Variants in CAPN2 observed in about 807,000 individuals in gnomAD.
The protein encoded by CAPN2 is calpain-2 catalytic subunit.
In CAPN2, 92 loss-of-function variants were observed where a neutral mutation model predicts 102.3. The observed-to-expected ratio is 0.90, with a 90% CI of 0.76 to 1.07. The LOEUF is 1.07. CAPN2 is among the 50% of genes least tolerant of loss of function. CAPN2 has a pLI of 0.00. For missense variants in CAPN2, 800 were observed against 909.4 expected (o/e 0.88, Z 1.55); for synonymous variants, 340 against 355.4 (o/e 0.96, Z 0.49).
intron 2 of CAPN2, among the ~76,000 whole-genome samples, chr1:223,733,202 A>C (rs1571792390): frequency 6.7e-6 from 1 of 150,038 alleles, no homozygotes; most frequent in Non-Finnish European, 1.5e-5. Flanking sequence ...CCTCTCCTGC[A>C]CTCCCCCTCC....
chr1:223,709,847 G>A (rs899281531), upstream of CAPN2, among the ~76,000 whole-genome samples: 5 of 152,178 alleles, frequency 3.3e-5, no homozygotes, highest in African/African-American at 1.2e-4. Flanking sequence ...TGGACAGAAT[G>A]CATTTGCATA....
At chr1:223,728,576 G>A (rs1157607095) in intron 2 of CAPN2, among the ~76,000 whole-genome samples, 3 of 152,194 alleles carry the variant, frequency 2.0e-5, no homozygotes, top group African/African-American at 7.2e-5. Context: ...GAGTGGCAGG[G>A]TTCTGGAAGA....
At chr1:223,729,294 T>G (rs2102783885) in intron 2 of CAPN2, among the ~76,000 whole-genome samples, 1 of 152,382 alleles carries the variant, frequency 6.6e-6, no homozygotes, top group South Asian at 2.1e-4. Flanking sequence ...TTCAGCATTT[T>G]ATTTTAAAAC....
chr1:223,733,028 G>A (rs572261591), intron 2 of CAPN2, among the ~76,000 whole-genome samples: 2 of 152,282 alleles, frequency 1.3e-5, no homozygotes, highest in Admixed American at 6.5e-5. Flanking sequence ...GGTATCCAGC[G>A]TGTTTTACTT....
Position 223,755,594 on chromosome 1 carries a change from G to A in CAPN2, c.1250G>A (p.Arg417Gln), listed in dbSNP as rs148370103. ...GTGGGGCTCATTCAGAAGCACCGACGGCGGCAGAGGAAGATGGGCGAGGAC... is the reference window on the plus strand; with the variant it reads ...GTGGGGCTCATTCAGAAGCACCGACAGCGGCAGAGGAAGATGGGCGAGGAC... ...FLVGLIQKHRRRQRKMGEDMH... is the reference protein window; with the variant it reads ...FLVGLIQKHRQRQRKMGEDMH... Residue 417 changes from arginine (R) to glutamine (Q), a missense_variant, in exon 10 of 21, where the codon CGG becomes CAG. Transcript: ENST00000295006. This position sits in a 1 kb window ranked among gnomAD's most constrained non-coding sequence, Gnocchi z 4.1. 3.2e-5 allele frequency: 51 copies of A among 1,612,978 alleles called. No individual in the cohort carries two copies. In the African/African-American group the frequency reaches 3.3e-4, roughly 11 times the overall value.
chr1:223,733,410 A>G (rs1395615385), intron 2 of CAPN2, among the ~76,000 whole-genome samples: 2 of 152,222 alleles, frequency 1.3e-5, no homozygotes, highest in Non-Finnish European at 2.9e-5. Flanking sequence ...TTCAGGATGC[A>G]GACACCCAGG....
intron 2 of CAPN2, among the ~76,000 whole-genome samples, chr1:223,741,468 A>ATATATATATATATT (rs71166282): frequency 3.6e-5 from 5 of 138,358 alleles, no homozygotes; most frequent in South Asian, 2.2e-4. Context: ...ATATATATAT[A>ATATATATATATATT]TTTGAGAGGG....
At position 223,725,137 on chromosome 1, in the gene CAPN2, G is replaced by A. The variant is rs537833146; in HGVS notation, c.307+7306G>A. Among the ~76,000 whole-genome samples, 74 of 152,242 alleles carry A rather than the reference G, an allele frequency of 4.9e-4. No individual in the cohort carries two copies. The highest frequency in any genetic ancestry group is 1.6e-3 in the African/African-American group (65 of 41,538). On this transcript the variant is annotated intron_variant, in intron 2 of 20. Transcript: ENST00000295006. The surrounding 1 kb of genome is among the most constrained non-coding windows in gnomAD (Gnocchi z 4.1). The stretch of plus-strand genomic sequence containing the variant: ...TCTTCACACCTCAGTTTCCTCATCC[G>A]TGAAATGAAGATAATAATAGTGCCT...
At chr1:223,766,915 G>A (rs28370159) in intron 16 of CAPN2, among the ~76,000 whole-genome samples, 9,806 of 151,572 alleles carry the variant, frequency 0.065, 410 homozygotes, top group Non-Finnish European at 0.09. Flanking sequence ...AGCTGAGATC[G>A]CGCCACTGCA....
Position 223,755,250 on chromosome 1 carries a change from C to T in CAPN2, c.1136-230C>T, listed in dbSNP as rs888319206. Reference sequence around the variant, plus strand: ...AGCCTCCCACCGCCTCTTGCCAACTCCCACCATCTCCCGCCATTTTCTGAC... The same window carrying T: ...AGCCTCCCACCGCCTCTTGCCAACTTCCACCATCTCCCGCCATTTTCTGAC... On this transcript the variant is annotated intron_variant, in intron 9 of 20. Transcript: ENST00000295006. The surrounding 1 kb of genome is among the most constrained non-coding windows in gnomAD (Gnocchi z 4.1). Among the ~76,000 whole-genome samples the T allele has an allele frequency of 1.3e-5, 2 of 151,976 alleles. No homozygotes were observed. Among genetic ancestry groups the T allele is most frequent in the Non-Finnish European group, 2.9e-5 (2 of 68,000 alleles).
At chr1:223,745,696 G>A (rs1660736164) in intron 4 of CAPN2, among the ~76,000 whole-genome samples, 1 of 152,188 alleles carries the variant, frequency 6.6e-6, no homozygotes, top group Non-Finnish European at 1.5e-5. Flanking sequence ...CCAAAATTAG[G>A]CTCTAAATGC....
chr1:223,764,264 G>C (rs1661258858), intron 15 of CAPN2, 57 bp downstream of exon 15: 6 of 1,465,024 alleles, frequency 4.1e-6, no homozygotes, highest in Non-Finnish European at 5.7e-6. Context: ...GGATGGGAGG[G>C]AACATGGAAA....
chr1:223,768,926 C>T (rs1453898716), intron 16 of CAPN2, among the ~76,000 whole-genome samples: 2 of 152,076 alleles, frequency 1.3e-5, no homozygotes, highest in African/African-American at 2.4e-5. Flanking sequence ...TGGATAAGAT[C>T]GTCTTCTTGA....
At position 223,749,029 on chromosome 1, in the gene CAPN2, G is replaced by T. The variant is rs980898370; in HGVS notation, c.730-10G>T. 1 of 1,613,130 alleles carries T rather than the reference G, an allele frequency of 6.2e-7. No individual in the cohort carries two copies. The highest frequency in any genetic ancestry group is 2.2e-5 in the East Asian group (1 of 44,880). On this transcript the variant is annotated splice_polypyrimidine_tract_variant and intron_variant, in intron 5 of 20. Transcript: ENST00000295006. ...GGGTGCGGCCAGTCTGACGGTTGCT[G>T]TGTTTGCAGATCACCAGCGCCGCGG...
intron 2 of CAPN2, among the ~76,000 whole-genome samples, chr1:223,724,148 C>G (rs1429601140): frequency 6.6e-6 from 1 of 152,218 alleles, no homozygotes; most frequent in South Asian, 2.1e-4. Context: ...TCCTCGACAG[C>G]CCCCTGCACC....
rs201970381 is a variant in CAPN2 at position 223,744,480 on chromosome 1, GT to G, written c.426+265del. Among the ~76,000 whole-genome samples the G allele has an allele frequency of 5.4e-4, 81 of 150,480 alleles. 3 individuals carry two copies. The highest frequency in any genetic ancestry group is 1.7e-3 in the African/African-American group (70 of 40,714). ...AAGGTGTTCAGGAACTAATTCCCAA[GT>G]TTAAAAAAAAAAACTGTATTATTTG... On this transcript the variant is annotated intron_variant, in intron 3 of 20. Transcript: ENST00000295006.
chr1:223,716,774 G>T (rs975134607), intron 1 of CAPN2, among the ~76,000 whole-genome samples: 1 of 151,910 alleles, frequency 6.6e-6, no homozygotes, highest in Non-Finnish European at 1.5e-5. Flanking sequence ...CTTCAGAATC[G>T]AAACACACTC....
chr1:223,716,572 C>T (rs1448401234), intron 1 of CAPN2, among the ~76,000 whole-genome samples: 2 of 151,960 alleles, frequency 1.3e-5, no homozygotes, highest in Non-Finnish European at 2.9e-5. Flanking sequence ...CTAGAATGAA[C>T]AGGGGCTAGA....
rs374766391 is a variant in CAPN2 at position 223,721,439 on chromosome 1, C to T, written c.307+3608C>T. Among the ~76,000 whole-genome samples, 12 of 152,332 alleles carry T rather than the reference C, an allele frequency of 7.9e-5. No homozygotes were observed. The East Asian group carries it at 1.7e-3, about 22-fold the overall frequency. On this transcript the variant is annotated intron_variant, in intron 2 of 20. Transcript: ENST00000295006. ...GCTTTCCCCACAGCCTCACAGCTCACGGATGAAGGCAGCTACCCCAGCCAG... is the reference window on the plus strand; with the variant it reads ...GCTTTCCCCACAGCCTCACAGCTCATGGATGAAGGCAGCTACCCCAGCCAG...
Sources: allele counts gnomAD v4.1 joint callset (sites outside exome capture counted in the v4.1 genomes callset), GRCh38; gene constraint gnomAD v4.1.1; non-coding constraint Gnocchi (gnomAD v3.1); transcripts MANE v1.5; gene names NCBI Gene and HGNC (gene_info 2026-07-23, HGNC 2026-07-21).